FABP12: variants seen among roughly 807,000 people sequenced by gnomAD.
FABP12 encodes the protein fatty acid-binding protein 12.
Under a neutral mutation model 13.7 loss-of-function variants are expected in FABP12, and 19 were observed. The observed-to-expected ratio is 1.39, with a 90% CI of 0.97 to 2.04. The LOEUF (loss-of-function observed/expected upper bound fraction) is 2.04. Among genes scored for constraint, FABP12 ranks in the 30% most tolerant of loss-of-function variants. The pLI, the probability that FABP12 is intolerant of heterozygous loss-of-function variation, is 0.00. For synonymous variants in FABP12, 61 were observed against 57.0 expected (o/e 1.07, Z -0.32); for missense variants, 182 against 164.2 (o/e 1.11, Z -0.59).
intron 1 of FABP12, among the ~76,000 whole-genome samples, chr8:81,584,581 C>T (rs1298107832): frequency 7.1e-5 from 1 of 14,042 alleles, no homozygotes; most frequent in Non-Finnish European, 1.7e-4. Context: ...TGGCTTCCCA[C>T]CCTGACCCAA....
At chr8:81,560,496 G>T (rs928871954) in intron 1 of FABP12, among the ~76,000 whole-genome samples, 1 of 152,032 alleles carries the variant, frequency 6.6e-6, no homozygotes, top group Non-Finnish European at 1.5e-5. Context: ...CTCAAAAAAG[G>T]TTGTTTTACA....
At chr8:81,562,215 T>C (rs1385815402) in intron 1 of FABP12, among the ~76,000 whole-genome samples, 2 of 152,112 alleles carry the variant, frequency 1.3e-5, no homozygotes, top group Admixed American at 6.5e-5. Context: ...AGGACCCAGT[T>C]CTGGCAGGAT....
intron 1 of FABP12, among the ~76,000 whole-genome samples, chr8:81,585,391 G>A (rs778358806): frequency 3.3e-5 from 5 of 152,288 alleles, no homozygotes; most frequent in East Asian, 3.9e-4. Flanking sequence ...TGAGTTGGCT[G>A]TAAATATCTG....
At chr8:81,586,855 G>A (rs34367584) in intron 1 of FABP12, among the ~76,000 whole-genome samples, 2,920 of 152,294 alleles carry the variant, frequency 0.019, 65 homozygotes, top group African/African-American at 0.056. Flanking sequence ...TCCTTGTCAT[G>A]AAGTCTTTGG....
chr8:81,528,539 A>G (rs1018528571), intron 3 of FABP12, among the ~76,000 whole-genome samples: 2 of 152,154 alleles, frequency 1.3e-5, no homozygotes, highest in African/African-American at 4.8e-5. Context: ...TTATCAGGAT[A>G]TTATCCTCCA....
intron 4 of FABP12, chr8:81,526,030 T>C (rs1808891123): frequency 6.6e-6 from 1 of 152,174 alleles, no homozygotes; most frequent in African/African-American, 2.4e-5. Flanking sequence ...TTCTTCCTAA[T>C]GAACTATAAA....
intron 1 of FABP12, among the ~76,000 whole-genome samples, chr8:81,574,526 G>A (rs1039906912): frequency 2.0e-5 from 3 of 151,968 alleles, no homozygotes; most frequent in African/African-American, 7.3e-5. Flanking sequence ...CAATAGGATC[G>A]GTACCAATTC....
At chr8:81,587,767 T>C (rs919926266) in intron 1 of FABP12, among the ~76,000 whole-genome samples, 1 of 152,088 alleles carries the variant, frequency 6.6e-6, no homozygotes, top group African/African-American at 2.4e-5. Flanking sequence ...ACAGAACTAA[T>C]AGGATAGATG....
intron 1 of FABP12, among the ~76,000 whole-genome samples, chr8:81,577,759 C>CA (rs1170078452): frequency 1.3e-5 from 2 of 151,954 alleles, no homozygotes; most frequent in Non-Finnish European, 2.9e-5. Context: ...GACTCCGTCT[C>CA]AAAAAAATAA....
At chr8:81,562,195 C>T (rs930111185) in intron 1 of FABP12, among the ~76,000 whole-genome samples, 5 of 152,194 alleles carry the variant, frequency 3.3e-5, no homozygotes, top group Admixed American at 6.5e-5. Context: ...AACCTGCTGC[C>T]TTGAAGGGAA....
intron 1 of FABP12, among the ~76,000 whole-genome samples, chr8:81,583,117 A>C (rs1033566779): frequency 6.6e-6 from 1 of 152,224 alleles, no homozygotes; most frequent in Non-Finnish European, 1.5e-5. Context: ...GGGTCAAGGA[A>C]GAAGTTAATG....
chr8:81,585,769 T>C (rs915376111), intron 1 of FABP12, among the ~76,000 whole-genome samples: 1 of 152,182 alleles, frequency 6.6e-6, no homozygotes, highest in African/African-American at 2.4e-5. Context: ...GTTTTATTGG[T>C]TTTTTTAAAT....
chr8:81,545,864 C>T (rs188317609), intron 1 of FABP12, among the ~76,000 whole-genome samples: 101 of 152,220 alleles, frequency 6.6e-4, no homozygotes, highest in African/African-American at 2.2e-3. Flanking sequence ...GTTCATGGGC[C>T]GAATCAATCC....
intron 2 of FABP12, 112 bp downstream of exon 2, chr8:81,531,131 C>T: frequency 1.4e-6 from 1 of 715,994 alleles, no homozygotes; most frequent in Non-Finnish European, 2.4e-6. Context: ...TTATTTTTTC[C>T]TATGTGAAAA....
At chr8:81,565,475 T>C (rs1809803329) in intron 1 of FABP12, among the ~76,000 whole-genome samples, 1 of 152,016 alleles carries the variant, frequency 6.6e-6, no homozygotes, top group South Asian at 2.1e-4. Context: ...AAATTGAAAT[T>C]ATATCGTGTA....
intron 1 of FABP12, among the ~76,000 whole-genome samples, chr8:81,570,106 G>A (rs1809899071): frequency 6.6e-6 from 1 of 152,216 alleles, no homozygotes; most frequent in Non-Finnish European, 1.5e-5. Context: ...GCTGCAGCTG[G>A]ACCCGGTGCA....
intron 3 of FABP12, among the ~76,000 whole-genome samples, chr8:81,527,958 A>AAAT (rs1370910196): frequency 2.0e-5 from 3 of 151,928 alleles, no homozygotes; most frequent in South Asian, 4.1e-4. Flanking sequence ...CTGTCTCAAT[A>AAAT]AAGAATAATA....
rs140230804 is a variant in FABP12 at position 81,586,782 on chromosome 8, G to A, written c.-185+3271C>T. Reference sequence around the variant, plus strand: ...TGTTGATAGTTTCTTTTGATGTACCGATGCTTTTTAGTTTAATTAAGTCCC... The same window carrying A: ...TGTTGATAGTTTCTTTTGATGTACCAATGCTTTTTAGTTTAATTAAGTCCC... On this transcript the variant is annotated intron_variant, in intron 1 of 5. Coordinates refer to the FABP12 transcript ENST00000692030. Among the ~76,000 whole-genome samples the A allele has an allele frequency of 1.4e-3, 219 of 152,224 alleles. 1 individual carries two copies. Among genetic ancestry groups the A allele is most frequent in the African/African-American group, 1.9e-3 (77 of 41,538 alleles).
At chr8:81,541,123 G>A (rs778402711) in intron 1 of FABP12, among the ~76,000 whole-genome samples, 8 of 148,206 alleles carry the variant, frequency 5.4e-5, no homozygotes, top group Non-Finnish European at 1.2e-4. Flanking sequence ...CCGAGATCAC[G>A]CCACTGCACT....
Sources: gnomAD v4.1 joint callset for allele counts (sites outside exome capture counted in the v4.1 genomes callset) on GRCh38, gnomAD v4.1.1 for gene constraint, MANE v1.5 for transcripts, NCBI Gene and HGNC (gene_info 2026-07-23, HGNC 2026-07-21) for gene names.